The following RNF128 variants were observed in gnomAD, a reference collection of about 807,000 sequenced individuals.
The protein encoded by RNF128 is E3 ubiquitin-protein ligase RNF128.
Under a neutral mutation model 26.2 loss-of-function variants are expected in RNF128, and 13 were observed. The ratio of observed to expected loss-of-function variants is 0.50; its 90% CI spans 0.32 to 0.79. RNF128 has a LOEUF of 0.79. Ranked by LOEUF, RNF128 falls within the 30% of genes least tolerant of loss-of-function variation. The pLI is 0.03. For missense variants in RNF128, 315 were observed against 349.7 expected (o/e 0.90, Z 0.79); for synonymous variants, 149 against 142.5 (o/e 1.05, Z -0.32).
rs1037942560 is a variant in RNF128 at position 106,741,210 on chromosome X, T to C, written c.484+13813T>C. Among the ~76,000 whole-genome samples, 8 of 111,936 alleles carry C rather than the reference T, an allele frequency of 7.1e-5. 1 individual carries two copies. Among genetic ancestry groups the C allele is most frequent in the Non-Finnish European group, 1.5e-4 (8 of 53,212 alleles). On this transcript the variant is annotated intron_variant, in intron 1 of 6. Transcript: ENST00000255499. ...GGCCTTGCAATAGCATATCTTATTT[T>C]TTTCCTCAGTATCAGCAGAAATTTA...
chrX:106,694,823 ATGC>A (rs1214645588), intron 1 of RNF128, among the ~76,000 whole-genome samples: 1 of 111,814 alleles, frequency 8.9e-6, no homozygotes, highest in Non-Finnish European at 1.9e-5. Context: ...CAGTTTCATT[ATGC>A]TTAAATAATA....
At chrX:106,694,327 G>A in exon 1 of RNF128, 1 of 1,209,917 alleles carries the variant, frequency 8.3e-7, no homozygotes, top group Non-Finnish European at 1.1e-6. Context: ...AATTCAAACA[G>A]CGGGCAGAAG....
chrX:106,770,977 C>T (rs1930359413), intron 1 of RNF128, among the ~76,000 whole-genome samples: 1 of 112,316 alleles, frequency 8.9e-6, no homozygotes, highest in Admixed American at 9.4e-5. Context: ...TTCTAACAGT[C>T]AGGACCCTCA....
At chrX:106,707,885 C>T (rs890357263) in intron 1 of RNF128, among the ~76,000 whole-genome samples, 5 of 111,365 alleles carry the variant, frequency 4.5e-5, no homozygotes, top group African/African-American at 1.6e-4. Flanking sequence ...GAGTGTAAAA[C>T]AGCAGATTGA....
exon 1 of RNF128, chrX:106,694,069 A>G: frequency 8.3e-7 from 1 of 1,206,523 alleles, no homozygotes; most frequent in Non-Finnish European, 1.1e-6. Context: ...ACTTAAAATT[A>G]CAGCATCTTT....
At chrX:106,745,851 T>G (rs1929787398) in intron 1 of RNF128, among the ~76,000 whole-genome samples, 1 of 111,278 alleles carries the variant, frequency 9.0e-6, no homozygotes, top group Admixed American at 9.6e-5. Context: ...TTTTTCTGTT[T>G]TGAAAAATCA....
intron 1 of RNF128, among the ~76,000 whole-genome samples, chrX:106,749,362 C>T (rs1191613619): frequency 9.0e-6 from 1 of 111,664 alleles, no homozygotes; most frequent in African/African-American, 3.3e-5. Flanking sequence ...TATAAGAGAC[C>T]CTTTCCAATA....
intron 1 of RNF128, among the ~76,000 whole-genome samples, chrX:106,736,594 A>C (rs1275319600): frequency 2.7e-5 from 3 of 111,003 alleles, no homozygotes; most frequent in Non-Finnish European, 5.7e-5. Context: ...TCCATAACTT[A>C]CTCCCATAAA....
At chrX:106,702,377 G>A (rs1395416930) in intron 1 of RNF128, among the ~76,000 whole-genome samples, 3 of 111,376 alleles carry the variant, frequency 2.7e-5, no homozygotes, top group African/African-American at 9.8e-5. Flanking sequence ...CATTTATTAT[G>A]TTATGATTTG....
rs760851937 is a variant in RNF128 at position 106,705,917 on chromosome X, G to A, written c.406+11509G>A. Among the ~76,000 whole-genome samples the A allele has an allele frequency of 2.7e-5, 3 of 112,031 alleles. No homozygotes were observed. The South Asian group carries it at 1.1e-3, about 42-fold the overall frequency. ...CTCCTTGGAGCAGAACTCAGAGAGA[G>A]GTGGGTAAATCACATGTTGGTTAGA... On this transcript the variant is annotated intron_variant, in intron 1 of 6. Coordinates refer to the RNF128 transcript ENST00000324342.
At position 106,791,140 on chromosome X, in the gene RNF128, T is replaced by C; in HGVS notation, c.1059T>C (p.His353=). Residue 353 remains histidine (H), a synonymous_variant, in exon 6 of 7, where the codon CAT becomes CAC. Coordinates refer to ENST00000255499, the MANE Select transcript of RNF128 (RefSeq NM_194463.2). ...AAATATCTAATAGTGCCTCCTCCCATGAAGAGGATAATCGCAGCGAGACCG... is the reference window on the plus strand; with the variant it reads ...AAATATCTAATAGTGCCTCCTCCCACGAAGAGGATAATCGCAGCGAGACCG... ...SNEISNSASS[H]EEDNRSETAS... 1 of 1,207,347 alleles carries C rather than the reference T, an allele frequency of 8.3e-7. No individual in the cohort carries two copies. Among genetic ancestry groups the C allele is most frequent in the Non-Finnish European group, 1.1e-6 (1 of 892,027 alleles).
rs186969883 is a variant in RNF128 at position 106,758,825 on chromosome X, A to C, written c.485-14088A>C. On this transcript the variant is annotated intron_variant, in intron 1 of 6. Coordinates refer to ENST00000255499, the MANE Select transcript of RNF128 (RefSeq NM_194463.2). ...TAAATCTAAGACCTCAAAATATGAA[A>C]CTACTAAAAGAAAACACTGGGGAAA... Among the ~76,000 whole-genome samples the C allele has an allele frequency of 7.3e-3, 819 of 111,652 alleles. 4 individuals are homozygous for C. The highest frequency in any genetic ancestry group is 0.018 in the Middle Eastern group (4 of 219).
At chrX:106,740,413 G>A (rs1929683531) in intron 1 of RNF128, among the ~76,000 whole-genome samples, 1 of 111,531 alleles carries the variant, frequency 9.0e-6, no homozygotes, top group African/African-American at 3.3e-5. Flanking sequence ...AAAGGTTCAG[G>A]ATAAAGTGGT....
chrX:106,733,683 A>G (rs181753195), intron 1 of RNF128, among the ~76,000 whole-genome samples: 1 of 111,554 alleles, frequency 9.0e-6, no homozygotes, highest in Non-Finnish European at 1.9e-5. Context: ...TGGGGGGATT[A>G]GTCATTTTAT....
At chrX:106,776,807 C>G (rs748010503) in intron 2 of RNF128, among the ~76,000 whole-genome samples, 2 of 111,209 alleles carry the variant, frequency 1.8e-5, no homozygotes, top group African/African-American at 6.5e-5. Flanking sequence ...AGGAATAGAA[C>G]TAATACTGAA....
At chrX:106,771,867 G>T (rs1358691297) in intron 1 of RNF128, among the ~76,000 whole-genome samples, 1 of 112,395 alleles carries the variant, frequency 8.9e-6, no homozygotes, top group Non-Finnish European at 1.9e-5. Flanking sequence ...GGCCATCTTG[G>T]AACCTCCTCT....
At position 106,727,231 on chromosome X, in the gene RNF128, G is replaced by A; in HGVS notation, c.318G>A (p.Thr106=). The A allele has an allele frequency of 8.3e-7, 1 of 1,211,715 alleles. No homozygotes were observed. Among genetic ancestry groups the A allele is most frequent in the Non-Finnish European group, 1.1e-6 (1 of 895,428 alleles). Residue 106 remains threonine, a synonymous_variant, in exon 1 of 7, where the codon ACG becomes ACA. Coordinates refer to ENST00000255499, the MANE Select transcript of RNF128 (RefSeq NM_194463.2). ...CNPHTNFTVP[T]VWGSTVQVSW... is the part of the protein sequence containing the mutation. The stretch of plus-strand genomic sequence containing the variant: ...CGCACACGAATTTCACGGTGCCCAC[G>A]GTTTGGGGAAGCACCGTGCAAGTCT...
chrX:106,782,837 C>G (rs1337661700), intron 2 of RNF128, among the ~76,000 whole-genome samples: 2 of 111,680 alleles, frequency 1.8e-5, no homozygotes, highest in Non-Finnish European at 3.8e-5. Context: ...ATATTTCAAG[C>G]AAGACATTCT....
chrX:106,705,124 T>A (rs1311389724), intron 1 of RNF128, among the ~76,000 whole-genome samples: 1 of 111,465 alleles, frequency 9.0e-6, no homozygotes, highest in Non-Finnish European at 1.9e-5. Flanking sequence ...GGGTAACAAG[T>A]GCTAAATGAC....
Sources: gnomAD v4.1 joint callset for allele counts (sites outside exome capture counted in the v4.1 genomes callset) on GRCh38, gnomAD v4.1.1 for gene constraint, MANE v1.5 for transcripts, NCBI Gene and HGNC (gene_info 2026-07-23, HGNC 2026-07-21) for gene names.